The following ANGPT1 variants were observed in gnomAD, a reference collection of about 807,000 sequenced individuals.
ANGPT1 encodes the protein angiopoietin-1.
A neutral mutation model predicts 62.2 loss-of-function variants in ANGPT1; 17 were observed. That is an observed-to-expected ratio of 0.27 (90% CI 0.19 to 0.41). The LOEUF (loss-of-function observed/expected upper bound fraction) is 0.41. Ranked by LOEUF, ANGPT1 falls within the 10% of genes least tolerant of loss-of-function variation. The pLI is 1.00. For synonymous variants in ANGPT1, 199 were observed against 198.9 expected, an observed-to-expected ratio of 1.00 and a Z score of 0.00; for missense variants, 478 against 594.9, an observed-to-expected ratio of 0.80 and a Z score of 2.04.
intron 1 of ANGPT1, among the ~76,000 whole-genome samples, chr8:107,385,091 C>T (rs1002234813): frequency 3.3e-5 from 5 of 152,022 alleles, no homozygotes; most frequent in Non-Finnish European, 7.4e-5. Context: ...TAGCTTTGGC[C>T]ATTCAAGCTC....
chr8:107,471,098 A>G (rs183820459), intron 1 of ANGPT1, among the ~76,000 whole-genome samples: 1 of 152,266 alleles, frequency 6.6e-6, no homozygotes, highest in African/African-American at 2.4e-5. Context: ...ATGCCCACGT[A>G]TGTTTATTGT....
intron 7 of ANGPT1, among the ~76,000 whole-genome samples, chr8:107,280,151 T>C (rs986630855): frequency 1.3e-5 from 2 of 152,148 alleles, no homozygotes; most frequent in African/African-American, 4.8e-5. Flanking sequence ...AGTCATTAGA[T>C]ACAATGTATC....
At chr8:107,479,751 A>T (rs1328068877) in intron 1 of ANGPT1, among the ~76,000 whole-genome samples, 1 of 152,226 alleles carries the variant, frequency 6.6e-6, no homozygotes, top group Non-Finnish European at 1.5e-5. Flanking sequence ...AAAATTTCAA[A>T]CAATGTAAGC....
At chr8:107,400,061 A>G (rs1461825517) in intron 1 of ANGPT1, among the ~76,000 whole-genome samples, 1 of 152,198 alleles carries the variant, frequency 6.6e-6, no homozygotes, top group Non-Finnish European at 1.5e-5. Flanking sequence ...GTAGGTATTT[A>G]TTAAATACAA....
intron 7 of ANGPT1, among the ~76,000 whole-genome samples, chr8:107,273,312 G>A (rs1447864681): frequency 6.6e-6 from 1 of 152,056 alleles, no homozygotes; most frequent in Admixed American, 6.6e-5. Flanking sequence ...TGCATTGTCT[G>A]AGGTTTCTTG....
chr8:107,386,606 A>G (rs976643830), intron 1 of ANGPT1, among the ~76,000 whole-genome samples: 1 of 152,098 alleles, frequency 6.6e-6, no homozygotes, highest in African/African-American at 2.4e-5. Flanking sequence ...ATTAAGAACG[A>G]TGACTCTGGA....
At chr8:107,479,140 A>ATT (rs11381920) in intron 1 of ANGPT1, among the ~76,000 whole-genome samples, 48 of 149,792 alleles carry the variant, frequency 3.2e-4, no homozygotes, top group African/African-American at 4.2e-4. Context: ...TATCTTCCAG[A>ATT]TTTTTTTTTT....
chr8:107,422,764 A>G (rs1810924688), intron 1 of ANGPT1, among the ~76,000 whole-genome samples: 1 of 152,154 alleles, frequency 6.6e-6, no homozygotes, highest in Non-Finnish European at 1.5e-5. Context: ...ACCCAAACAA[A>G]TCGGTCCATT....
chr8:107,310,854 G>C (rs779149204), intron 4 of ANGPT1, among the ~76,000 whole-genome samples: 3 of 152,102 alleles, frequency 2.0e-5, no homozygotes, highest in African/African-American at 7.2e-5. Context: ...CGGACTATTT[G>C]CTAGAAGCTT....
chr8:107,450,450 T>C (rs1233399261), intron 1 of ANGPT1, among the ~76,000 whole-genome samples: 5 of 152,012 alleles, frequency 3.3e-5, no homozygotes, highest in Admixed American at 1.3e-4. Context: ...AAAAGCTCTA[T>C]GGGCGGAAAG....
intron 1 of ANGPT1, among the ~76,000 whole-genome samples, chr8:107,401,197 A>G (rs932477438): frequency 6.6e-6 from 1 of 152,142 alleles, no homozygotes; most frequent in African/African-American, 2.4e-5. Flanking sequence ...TCTTATTCAT[A>G]CACCATTTTT....
At chr8:107,388,457 C>T (rs1409024304) in intron 1 of ANGPT1, among the ~76,000 whole-genome samples, 1 of 149,264 alleles carries the variant, frequency 6.7e-6, no homozygotes, top group Non-Finnish European at 1.5e-5. Context: ...ATAAATAAAA[C>T]AAAATATCCT....
chr8:107,459,222 C>T lies in ANGPT1; in HGVS notation c.297+38040G>A, dbSNP rs1165847159. On this transcript the variant is annotated intron_variant, in intron 1 of 8. Coordinates refer to ENST00000517746, the MANE Select transcript of ANGPT1 (RefSeq NM_001146.5). ...CATGGAGCTTTTAAAACACTTTAAC[C>T]AGGTGAAAAATTTTCAGTCAATAAA... Among the ~76,000 whole-genome samples, 4 of 152,058 alleles carry T rather than the reference C, an allele frequency of 2.6e-5. No homozygotes were observed. The East Asian group carries it at 5.8e-4, about 22-fold the overall frequency.
intron 3 of ANGPT1, among the ~76,000 whole-genome samples, chr8:107,323,286 G>A (rs4451284): frequency 0.18 from 26,820 of 152,018 alleles, 2,544 homozygotes; most frequent in Middle Eastern, 0.28. Flanking sequence ...AGGCTTACTC[G>A]GTTTTCTCAG....
At chr8:107,435,262 C>A (rs1031661948) in intron 1 of ANGPT1, among the ~76,000 whole-genome samples, 5 of 152,104 alleles carry the variant, frequency 3.3e-5, no homozygotes, top group Non-Finnish European at 7.4e-5. Flanking sequence ...GTAAATCATA[C>A]CCCCCAAAAG....
intron 1 of ANGPT1, among the ~76,000 whole-genome samples, chr8:107,460,145 C>T (rs1462082363): frequency 1.3e-5 from 2 of 152,122 alleles, no homozygotes; most frequent in African/African-American, 4.8e-5. Context: ...CTCCAGGGGT[C>T]CTAAAAGTAG....
At chr8:107,262,921 TTA>T in intron 8 of ANGPT1, among the ~76,000 whole-genome samples, 1 of 152,246 alleles carries the variant, frequency 6.6e-6, no homozygotes, top group East Asian at 1.9e-4. Context: ...CCATATCCAT[TTA>T]TAACTCTTAT....
chr8:107,289,278 T>C (rs1475541191), intron 6 of ANGPT1, among the ~76,000 whole-genome samples: 1 of 152,156 alleles, frequency 6.6e-6, no homozygotes, highest in African/African-American at 2.4e-5. Flanking sequence ...GATCAACATT[T>C]GTTAGTTTTT....
At chr8:107,377,421 G>A (rs1444717819) in intron 1 of ANGPT1, among the ~76,000 whole-genome samples, 1 of 152,160 alleles carries the variant, frequency 6.6e-6, no homozygotes, top group Non-Finnish European at 1.5e-5. Flanking sequence ...TCTGCCATGT[G>A]TGCTGGGCAA....
Sources: allele counts gnomAD v4.1 joint callset (sites outside exome capture counted in the v4.1 genomes callset), GRCh38; gene constraint gnomAD v4.1.1; transcripts MANE v1.5; gene names NCBI Gene and HGNC (gene_info 2026-07-23, HGNC 2026-07-21).